The following ATG7 variants were observed in gnomAD, a reference collection of about 807,000 sequenced individuals.
The protein encoded by ATG7 is autophagy related 7.
A neutral mutation model predicts 82.4 loss-of-function variants in ATG7; 70 were observed. The ratio of observed to expected loss-of-function variants is 0.85; its 90% CI spans 0.70 to 1.04. The LOEUF (loss-of-function observed/expected upper bound fraction) is 1.04, where lower values mean the gene tolerates loss of function less well. ATG7 is among the 50% of genes least tolerant of loss of function. The pLI is 0.00. For synonymous variants in ATG7, 287 were observed against 313.0 expected (o/e 0.92, Z 0.88); for missense variants, 792 against 864.3 (o/e 0.92, Z 1.05).
chr3:11,573,385 AAGAAAG>A, the ATG7 span, among the ~76,000 whole-genome samples: 1 of 148,680 alleles, frequency 6.7e-6, no homozygotes, highest in East Asian at 2.0e-4. Flanking sequence ...GAAAGAAAGA[AAGAAAG>A]AAAGAAAATG....
At chr3:11,534,155 C>A (rs904531086) in intron 20 of ATG7, among the ~76,000 whole-genome samples, 1 of 152,216 alleles carries the variant, frequency 6.6e-6, no homozygotes, top group Non-Finnish European at 1.5e-5. Context: ...CACCTGCACA[C>A]ACAGATGAGG....
downstream of ATG7, chr3:11,558,457 C>A (rs1320592705): frequency 3.0e-6 from 3 of 1,000,080 alleles, no homozygotes; most frequent in Non-Finnish European, 4.2e-6. Flanking sequence ...CTTCCCTTCC[C>A]CCCACCCCAC....
Position 11,417,805 on chromosome 3 carries a change from A to ATTTTTTTTTT in ATG7, c.1957-8995_1957-8994insTTTTTTTTTT, listed in dbSNP as rs200364263. On this transcript the variant is annotated intron_variant, in intron 19 of 20. Transcript: ENST00000693202. ...AAAAAATTATTATTATTATTATTTT[A>ATTTTTTTTTT]TTTTATTTTATTTTTTTTTTTTTTG... Among the ~76,000 whole-genome samples the ATTTTTTTTTT allele has an allele frequency of 4.7e-4, 25 of 52,738 alleles. 1 individual carries two copies. The highest frequency in any genetic ancestry group is 1.5e-3 in the East Asian group (3 of 2,056). 34.6% of individuals were successfully genotyped at this position (52,738 alleles called of 152,430 possible). A position where few individuals can be genotyped will look rare whatever the true frequency, so the allele number is the denominator to read the frequency against.
intron 20 of ATG7, among the ~76,000 whole-genome samples, chr3:11,495,094 T>C (rs1214215200): frequency 4.0e-5 from 6 of 151,430 alleles, no homozygotes; most frequent in South Asian, 4.1e-4. Context: ...AAAAAAGGCT[T>C]GAACAGATGT....
At chr3:11,537,658 A>T (rs777827208) in intron 20 of ATG7, among the ~76,000 whole-genome samples, 22 of 152,180 alleles carry the variant, frequency 1.4e-4, no homozygotes, top group Admixed American at 4.6e-4. Flanking sequence ...GAGGGCTCTC[A>T]CTCCACACTT....
At chr3:11,405,255 G>C (rs908626573) in intron 19 of ATG7, among the ~76,000 whole-genome samples, 1 of 152,100 alleles carries the variant, frequency 6.6e-6, no homozygotes, top group Non-Finnish European at 1.5e-5. Flanking sequence ...ATTTATAGAA[G>C]CTCTGACTCT....
intron 20 of ATG7, among the ~76,000 whole-genome samples, chr3:11,469,223 G>A (rs1208711490): frequency 1.3e-5 from 2 of 152,202 alleles, no homozygotes; most frequent in Non-Finnish European, 2.9e-5. Flanking sequence ...GCCGAGGCAG[G>A]TGGATCACCT....
chr3:11,500,659 TTGTC>T (rs1370414908), intron 20 of ATG7, among the ~76,000 whole-genome samples: 4 of 152,200 alleles, frequency 2.6e-5, no homozygotes, highest in African/African-American at 7.2e-5. Context: ...TTTTGTTTGT[TTGTC>T]TGAGACGGAG....
At chr3:11,507,952 TA>T (rs34637587) in intron 20 of ATG7, among the ~76,000 whole-genome samples, 2 of 148,056 alleles carry the variant, frequency 1.4e-5, no homozygotes, top group East Asian at 2.0e-4. Context: ...TGCTGGTAAT[TA>T]AAAAAAAAAC....
intron 19 of ATG7, among the ~76,000 whole-genome samples, chr3:11,407,798 C>T (rs1576173125): frequency 6.6e-6 from 1 of 152,210 alleles, no homozygotes; most frequent in African/African-American, 2.4e-5. Flanking sequence ...GGATGCAGGG[C>T]ACCAAGTCCT....
intron 20 of ATG7, among the ~76,000 whole-genome samples, chr3:11,516,609 A>G (rs2092290087): frequency 6.6e-6 from 1 of 152,178 alleles, no homozygotes; most frequent in African/African-American, 2.4e-5. Context: ...CCACACAAAA[A>G]CCTGCACTTG....
chr3:11,524,404 A>G (rs2092520758), intron 20 of ATG7, among the ~76,000 whole-genome samples: 1 of 152,228 alleles, frequency 6.6e-6, no homozygotes, highest in African/African-American at 2.4e-5. Flanking sequence ...CAACGGTGAT[A>G]GCTGCTACAT....
chr3:11,468,509 C>A (rs760811024), intron 20 of ATG7, among the ~76,000 whole-genome samples: 19 of 152,182 alleles, frequency 1.2e-4, no homozygotes, highest in Admixed American at 2.0e-4. Flanking sequence ...GGCACTGGGC[C>A]ACTGAGGACA....
intron 19 of ATG7, among the ~76,000 whole-genome samples, chr3:11,398,903 CAAG>C (rs148085644): frequency 0.024 from 3,640 of 152,176 alleles, 137 homozygotes; most frequent in East Asian, 0.18. Context: ...ATATTTGTAT[CAAG>C]AAGTCAGTAA....
chr3:11,553,339 G>C (rs998355194), intron 20 of ATG7, among the ~76,000 whole-genome samples: 1 of 152,192 alleles, frequency 6.6e-6, no homozygotes, highest in Non-Finnish European at 1.5e-5. Context: ...TTCGCAGCAG[G>C]TCTACACAGC....
At chr3:11,379,457 T>C (rs1038445220) in intron 18 of ATG7, among the ~76,000 whole-genome samples, 1 of 152,106 alleles carries the variant, frequency 6.6e-6, no homozygotes, top group Non-Finnish European at 1.5e-5. Context: ...TTACATTTTA[T>C]CTCTATCTGT....
chr3:11,554,805 A>T lies in ATG7; in HGVS notation c.2080-6A>T. 1 of 1,613,306 alleles carries T rather than the reference A, an allele frequency of 6.2e-7. No individual in the cohort carries two copies. The highest frequency in any genetic ancestry group is 8.5e-7 in the Non-Finnish European group (1 of 1,179,654). The stretch of plus-strand genomic sequence containing the variant: ...CTCGGCTGAGCCTCTCCCCTTCTCC[A>T]TGCAGATCTGGGACATGAGCGATGA... On this transcript the variant is annotated splice_polypyrimidine_tract_variant and splice_region_variant and intron_variant, in intron 20 of 20. Coordinates refer to ENST00000693202, the MANE Select transcript of ATG7 (RefSeq NM_001349232.2).
chr3:11,309,442 C>T (rs1225312659), intron 7 of ATG7, among the ~76,000 whole-genome samples: 3 of 134,730 alleles, frequency 2.2e-5, no homozygotes, highest in Non-Finnish European at 4.8e-5. Flanking sequence ...ACCACAAAAT[C>T]GCTTGTTGAT....
At chr3:11,322,469 A>G (rs1262397976) in intron 9 of ATG7, among the ~76,000 whole-genome samples, 1 of 152,206 alleles carries the variant, frequency 6.6e-6, no homozygotes, top group Non-Finnish European at 1.5e-5. Flanking sequence ...AAAATGTCGC[A>G]AAGGTTTTCA....
Sources: allele counts gnomAD v4.1 joint callset (sites outside exome capture counted in the v4.1 genomes callset), GRCh38; gene constraint gnomAD v4.1.1; transcripts MANE v1.5; gene names NCBI Gene and HGNC (gene_info 2026-07-23, HGNC 2026-07-21).